The following FSIP1 variants were observed in gnomAD, a reference collection of about 807,000 sequenced individuals.
FSIP1 encodes fibrous sheath interacting protein 1, also known as fibrous sheath-interacting protein 1.
A neutral mutation model predicts 60.9 loss-of-function variants in FSIP1; 65 were observed. The ratio of observed to expected loss-of-function variants is 1.07; its 90% CI spans 0.87 to 1.31. The LOEUF (loss-of-function observed/expected upper bound fraction) is 1.31, where lower values mean the gene tolerates loss of function less well. Ranked by LOEUF, FSIP1 falls within the 40% of genes most tolerant of loss-of-function variation. The pLI is 0.00. For synonymous variants in FSIP1, 209 were observed against 221.2 expected (o/e 0.94, Z 0.49); for missense variants, 675 against 665.5 (o/e 1.01, Z -0.16).
intron 10 of FSIP1, among the ~76,000 whole-genome samples, chr15:39,690,175 C>T (rs868866846): frequency 4.6e-5 from 7 of 152,114 alleles, no homozygotes; most frequent in Admixed American, 1.3e-4. Context: ...GGAGCTATGG[C>T]GAGAGATGAG....
chr15:39,736,555 G>A (rs973443592), intron 8 of FSIP1, among the ~76,000 whole-genome samples: 1 of 152,188 alleles, frequency 6.6e-6, no homozygotes, highest in Non-Finnish European at 1.5e-5. Context: ...GGCCTGGCCT[G>A]GGATTTCCAT....
chr15:39,775,652 T>A (rs2140732278), intron 2 of FSIP1, among the ~76,000 whole-genome samples: 1 of 152,278 alleles, frequency 6.6e-6, no homozygotes, highest in East Asian at 1.9e-4. Context: ...TTGCTGTTCT[T>A]CTGACAGTGT....
At chr15:39,755,781 T>C (rs921515060) in intron 5 of FSIP1, among the ~76,000 whole-genome samples, 4 of 152,176 alleles carry the variant, frequency 2.6e-5, no homozygotes, top group African/African-American at 9.6e-5. Context: ...GTTTTGTGTT[T>C]ATATGCATTT....
rs537813846 is a variant in FSIP1, at chr15:39,743,335, G to A, written c.560-1435C>T. Among the ~76,000 whole-genome samples the A allele has an allele frequency of 5.3e-5, 8 of 152,186 alleles. No individual in the cohort carries two copies. The East Asian group carries it at 1.2e-3, about 22-fold the overall frequency. ...GGTATTCATTGCCTCAGAGAGAGGT[G>A]TGTACTACATACAACAAAGGTGCCA... On this transcript the variant is annotated intron_variant, in intron 5 of 11. Transcript: ENST00000350221.
Position 39,617,915 on chromosome 15 carries a change from G to A in FSIP1, c.1519C>T (p.Leu507Phe). 1.2e-6 allele frequency: 2 copies of A among 1,614,094 alleles called. No individual in the cohort carries two copies. Among genetic ancestry groups the A allele is most frequent in the African/African-American group, 2.7e-5 (2 of 75,042 alleles). ...ATAATAACGTCCTTGGAAAATTGAA[G>A]GCATTTCATATTCTCTGCTTCAGTG... is the stretch of plus-strand genomic sequence containing the variant. ...LVTEAENMKCLQFSKDVIISD... is the reference protein window; with the variant it reads ...LVTEAENMKCFQFSKDVIISD... Residue 507 changes from leucine (L) to phenylalanine (F), a missense_variant, in exon 11 of 12, where the codon CTT (leucine) becomes TTT (phenylalanine). Transcript: ENST00000350221.
At chr15:39,632,912 T>C (rs577038059) in intron 10 of FSIP1, among the ~76,000 whole-genome samples, 2 of 152,186 alleles carry the variant, frequency 1.3e-5, no homozygotes, top group African/African-American at 2.4e-5. Context: ...AAAAACACAA[T>C]TTCTCTCAAA....
intron 10 of FSIP1, among the ~76,000 whole-genome samples, chr15:39,636,231 T>C (rs1892133339): frequency 6.6e-6 from 1 of 152,244 alleles, no homozygotes; most frequent in South Asian, 2.1e-4. Flanking sequence ...TCAGAACCTC[T>C]GGTTAAGTGC....
intron 10 of FSIP1, among the ~76,000 whole-genome samples, chr15:39,690,657 G>T (rs1411675755): frequency 6.6e-6 from 1 of 152,198 alleles, no homozygotes; most frequent in African/African-American, 2.4e-5. Context: ...TCTAGCTGCT[G>T]CAGCTCCTGG....
chr15:39,627,849 T>C (rs758609594), intron 10 of FSIP1, among the ~76,000 whole-genome samples: 1 of 152,250 alleles, frequency 6.6e-6, no homozygotes, highest in Non-Finnish European at 1.5e-5. Context: ...AATATACTTT[T>C]GCCTCAGGCC....
intron 10 of FSIP1, among the ~76,000 whole-genome samples, chr15:39,621,647 A>G (rs910610085): frequency 3.3e-5 from 5 of 152,258 alleles, no homozygotes. Flanking sequence ...TACTCACTTT[A>G]GAGTGTAGCC....
At chr15:39,727,845 C>T (rs1298087881) in intron 8 of FSIP1, among the ~76,000 whole-genome samples, 1 of 152,190 alleles carries the variant, frequency 6.6e-6, no homozygotes, top group African/African-American at 2.4e-5. Context: ...AGAAGTTCAA[C>T]TATCTCTGTT....
chr15:39,691,208 T>C (rs762682827), intron 10 of FSIP1, among the ~76,000 whole-genome samples: 2 of 152,172 alleles, frequency 1.3e-5, no homozygotes, highest in Non-Finnish European at 2.9e-5. Flanking sequence ...ACTTTCCATG[T>C]CCACCTAAAG....
chr15:39,631,199 C>T (rs1891870845), intron 10 of FSIP1, among the ~76,000 whole-genome samples: 2 of 152,214 alleles, frequency 1.3e-5, no homozygotes, highest in African/African-American at 2.4e-5. Flanking sequence ...CATCGCACCC[C>T]TAAAAACTCA....
chr15:39,674,749 T>C (rs1161133158), intron 10 of FSIP1, among the ~76,000 whole-genome samples: 1 of 151,764 alleles, frequency 6.6e-6, no homozygotes, highest in Non-Finnish European at 1.5e-5. Context: ...GTGGAAAATA[T>C]GTTTTAAGGA....
At chr15:39,671,780 G>A (rs187003310) in intron 10 of FSIP1, among the ~76,000 whole-genome samples, 13 of 152,206 alleles carry the variant, frequency 8.5e-5, no homozygotes, top group Non-Finnish European at 1.3e-4. Context: ...TGAAGCCCAC[G>A]TATCTAAATA....
chr15:39,664,172 A>G (rs1026920260), intron 10 of FSIP1, among the ~76,000 whole-genome samples: 7 of 152,188 alleles, frequency 4.6e-5, no homozygotes, highest in African/African-American at 7.2e-5. Flanking sequence ...ATATTCTGCA[A>G]TAGCTGTTTC....
At chr15:39,693,801 A>C (rs1894702339) in intron 10 of FSIP1, among the ~76,000 whole-genome samples, 1 of 152,226 alleles carries the variant, frequency 6.6e-6, no homozygotes, top group Non-Finnish European at 1.5e-5. Flanking sequence ...GTTATGGACA[A>C]GTCACCAAAG....
At chr15:39,645,591 G>T (rs989673433) in intron 10 of FSIP1, among the ~76,000 whole-genome samples, 1 of 151,602 alleles carries the variant, frequency 6.6e-6, no homozygotes, top group Non-Finnish European at 1.5e-5. Flanking sequence ...GGAACTCCCA[G>T]TTGGGAAGCA....
chr15:39,673,885 A>AT (rs911280356), intron 10 of FSIP1, among the ~76,000 whole-genome samples: 1 of 151,798 alleles, frequency 6.6e-6, no homozygotes, highest in Non-Finnish European at 1.5e-5. Context: ...TCTTAAAAGC[A>AT]TTTTTTTAGT....
Sources: allele counts gnomAD v4.1 joint callset (sites outside exome capture counted in the v4.1 genomes callset), GRCh38; gene constraint gnomAD v4.1.1; transcripts MANE v1.5; gene names NCBI Gene and HGNC (gene_info 2026-07-23, HGNC 2026-07-21).